The following ZNF804A variants were observed in gnomAD, a reference collection of about 807,000 sequenced individuals.
The protein encoded by ZNF804A is zinc finger protein 804A.
Under a neutral mutation model 16.5 loss-of-function variants are expected in ZNF804A, and 2 were observed. The observed-to-expected ratio is 0.12, with a 90% CI of 0.05 to 0.38. ZNF804A has a LOEUF of 0.38. ZNF804A is among the 10% of genes least tolerant of loss of function. ZNF804A has a pLI of 0.99. For synonymous variants in ZNF804A, 534 were observed against 489.6 expected, an observed-to-expected ratio of 1.09 and a Z score of -1.20; for missense variants, 1,473 against 1,390.7, an observed-to-expected ratio of 1.06 and a Z score of -0.94.
At chr2:184,740,615 T>A (rs1031667896) in intron 1 of ZNF804A, among the ~76,000 whole-genome samples, 1 of 152,146 alleles carries the variant, frequency 6.6e-6, no homozygotes, top group Non-Finnish European at 1.5e-5. Context: ...GGGATAGAAG[T>A]TAATTTGTTT....
intron 2 of ZNF804A, among the ~76,000 whole-genome samples, chr2:184,879,130 T>C (rs749873366): frequency 6.7e-6 from 1 of 149,518 alleles, no homozygotes; most frequent in Non-Finnish European, 1.5e-5. Flanking sequence ...CAAGATATAT[T>C]TGTGTGTGTT....
At chr2:184,616,438 G>T (rs1448996484) in intron 1 of ZNF804A, among the ~76,000 whole-genome samples, 1 of 152,088 alleles carries the variant, frequency 6.6e-6, no homozygotes, top group Non-Finnish European at 1.5e-5. Context: ...TGGCATTGTT[G>T]TAAAGATTAA....
chr2:184,752,243 C>G (rs1440096838), intron 1 of ZNF804A, among the ~76,000 whole-genome samples: 2 of 151,538 alleles, frequency 1.3e-5, no homozygotes, highest in Non-Finnish European at 1.5e-5. Flanking sequence ...AGTCCATCAA[C>G]AGTTGACTGA....
intron 1 of ZNF804A, among the ~76,000 whole-genome samples, chr2:184,633,712 G>A (rs1029468528): frequency 3.3e-5 from 5 of 152,004 alleles, no homozygotes; most frequent in Admixed American, 1.3e-4. Context: ...ACATTTTAGC[G>A]TTTTTGTAAA....
chr2:184,792,760 A>T (rs1244515063), intron 1 of ZNF804A, among the ~76,000 whole-genome samples: 1 of 152,016 alleles, frequency 6.6e-6, no homozygotes, highest in Non-Finnish European at 1.5e-5. Context: ...GTTATCTTCT[A>T]GGAGTTTTTC....
intron 1 of ZNF804A, among the ~76,000 whole-genome samples, chr2:184,731,007 A>G (rs879764796): frequency 2.0e-5 from 3 of 151,754 alleles, no homozygotes; most frequent in Non-Finnish European, 4.4e-5. Context: ...CTTTGAGAGG[A>G]CGAGGTGGGT....
In ZNF804A at chr2:184,634,791, G is replaced by A. The variant is rs994521680; in HGVS notation, c.111+35721G>A. ...CAGAACTGTGATGTAATCCATTTGC[G>A]TTGTTTTGAGCCACTAAGTTTGTGG... On this transcript the variant is annotated intron_variant, in intron 1 of 3. Transcript: ENST00000302277. 5.9e-5 allele frequency among the ~76,000 whole-genome samples: 9 copies of A among 152,024 alleles called. No homozygotes were observed. In the South Asian group the frequency reaches 8.3e-4, roughly 14 times the overall value.
At chr2:184,627,451 T>G (rs1691523731) in intron 1 of ZNF804A, among the ~76,000 whole-genome samples, 1 of 152,190 alleles carries the variant, frequency 6.6e-6, no homozygotes, top group African/African-American at 2.4e-5. Flanking sequence ...TTTGGCTTTT[T>G]TAACTGAAAT....
At chr2:184,659,902 G>A (rs1692141235) in intron 1 of ZNF804A, among the ~76,000 whole-genome samples, 1 of 152,186 alleles carries the variant, frequency 6.6e-6, no homozygotes, top group Admixed American at 6.5e-5. Context: ...CCAGCCAAGA[G>A]GCAGACCTGA....
chr2:184,622,824 A>G (rs898471783), intron 1 of ZNF804A, among the ~76,000 whole-genome samples: 9 of 152,034 alleles, frequency 5.9e-5, no homozygotes, highest in African/African-American at 2.2e-4. Flanking sequence ...TTAGAACCGG[A>G]ATACATATTC....
chr2:184,661,665 A>T (rs1245911045), intron 1 of ZNF804A, among the ~76,000 whole-genome samples: 1 of 152,144 alleles, frequency 6.6e-6, no homozygotes, highest in African/African-American at 2.4e-5. Context: ...TAAGATGGGG[A>T]TGGAAGTTCT....
intron 2 of ZNF804A, among the ~76,000 whole-genome samples, chr2:184,903,564 G>A (rs1047718026): frequency 2.0e-4 from 31 of 151,974 alleles, no homozygotes; most frequent in Admixed American, 1.6e-3. Flanking sequence ...TGCATTCCTC[G>A]CCCAGTTGTT....
intron 2 of ZNF804A, among the ~76,000 whole-genome samples, chr2:184,925,542 GTTA>G (rs1685596517): frequency 6.6e-6 from 1 of 151,792 alleles, no homozygotes; most frequent in Admixed American, 6.6e-5. Context: ...TATGCTTAAT[GTTA>G]TTATTGATAA....
At position 184,798,921 on chromosome 2, in the gene ZNF804A, G is replaced by T. The variant is rs140018320; in HGVS notation, c.112-67448G>T. On this transcript the variant is annotated intron_variant, in intron 1 of 3. Transcript: ENST00000302277. Reference sequence around the variant, plus strand: ...AGTTCAGATCCTTTTGTCCCACAGGGTGTTCCCTTGATGTTGTAGTCTCCT... The same window carrying T: ...AGTTCAGATCCTTTTGTCCCACAGGTTGTTCCCTTGATGTTGTAGTCTCCT... 2.3e-3 allele frequency among the ~76,000 whole-genome samples: 350 copies of T among 152,158 alleles called. 1 individual carries two copies. The highest frequency in any genetic ancestry group is 7.8e-3 in the African/African-American group (322 of 41,522).
intron 1 of ZNF804A, among the ~76,000 whole-genome samples, chr2:184,759,044 T>A (rs980797062): frequency 6.6e-6 from 1 of 151,594 alleles, no homozygotes; most frequent in African/African-American, 2.4e-5. Flanking sequence ...GAAGTGCTTA[T>A]AGAATGTAGT....
intron 1 of ZNF804A, among the ~76,000 whole-genome samples, chr2:184,802,050 A>G (rs1044142372): frequency 5.3e-5 from 8 of 152,144 alleles, no homozygotes; most frequent in South Asian, 2.1e-4. Context: ...GTCGAGGCTG[A>G]ATATTGTAGC....
At chr2:184,874,457 C>T (rs1696021796) in intron 2 of ZNF804A, among the ~76,000 whole-genome samples, 2 of 152,006 alleles carry the variant, frequency 1.3e-5, no homozygotes, top group African/African-American at 2.4e-5. Context: ...TGCAACTGCC[C>T]TATTACAGAT....
intron 1 of ZNF804A, among the ~76,000 whole-genome samples, chr2:184,806,687 T>A (rs377335748): frequency 4.0e-5 from 6 of 151,858 alleles, no homozygotes; most frequent in Admixed American, 1.3e-4. Flanking sequence ...TATATTAATA[T>A]GTGACATACA....
chr2:184,710,589 A>G (rs936465383), intron 1 of ZNF804A, among the ~76,000 whole-genome samples: 6 of 151,820 alleles, frequency 4.0e-5, no homozygotes, highest in African/African-American at 1.2e-4. Context: ...CTCTAAGCAC[A>G]GTGTTGCATA....
Sources: allele counts gnomAD v4.1 joint callset (sites outside exome capture counted in the v4.1 genomes callset), GRCh38; gene constraint gnomAD v4.1.1; transcripts MANE v1.5; gene names NCBI Gene and HGNC (gene_info 2026-07-23, HGNC 2026-07-21).